HMCN1: variants seen among roughly 807,000 people sequenced by gnomAD.
HMCN1 encodes hemicentin-1.
HMCN1 carries 321 observed loss-of-function variants against 625.9 expected under a neutral mutation model. That is an observed-to-expected ratio of 0.51 (90% CI 0.47 to 0.56). The LOEUF (loss-of-function observed/expected upper bound fraction) is 0.56. Among genes scored for constraint, HMCN1 ranks in the 20% least tolerant of loss-of-function variants. The pLI is 0.00. For synonymous variants in HMCN1, 2,425 were observed against 2,417.6 expected (o/e 1.00, Z -0.09); for missense variants, 6,588 against 6,887.3 (o/e 0.96, Z 1.54).
intron 23 of HMCN1, among the ~76,000 whole-genome samples, chr1:185,993,864 A>T (rs1040775298): frequency 2.0e-5 from 3 of 152,228 alleles, no homozygotes; most frequent in Admixed American, 6.5e-5. Context: ...ATATTCAAAT[A>T]TCAGAAGAAA....
chr1:186,083,500 TAAAA>T (rs58407499), intron 57 of HMCN1, among the ~76,000 whole-genome samples: 4 of 123,648 alleles, frequency 3.2e-5, no homozygotes, highest in African/African-American at 9.4e-5. Context: ...CACTTTTTGC[TAAAA>T]AAAAAAAAAA....
At chr1:185,778,615 G>A (rs1473652566) in intron 1 of HMCN1, among the ~76,000 whole-genome samples, 1 of 151,480 alleles carries the variant, frequency 6.6e-6, no homozygotes, top group Non-Finnish European at 1.5e-5. Flanking sequence ...TCGTCCTTGA[G>A]ATAGTTTGCT....
intron 71 of HMCN1, among the ~76,000 whole-genome samples, 181 bp downstream of exon 71, chr1:186,108,778 T>G (rs952734239): frequency 3.9e-5 from 6 of 152,230 alleles, no homozygotes; most frequent in African/African-American, 1.4e-4. Flanking sequence ...TATTTGCCTT[T>G]GCTGGGGTAG....
chr1:186,137,909 G>A lies in HMCN1; in HGVS notation c.13861G>A (p.Gly4621Ser). The A allele has an allele frequency of 1.2e-6, 2 of 1,614,074 alleles. No homozygotes were observed. The highest frequency in any genetic ancestry group is 1.7e-6 in the Non-Finnish European group (2 of 1,179,978). The change falls in exon 89 of 107, where the codon GGT becomes AGT. Residue 4621 changes from glycine (G) to serine (S), a missense_variant. Gly to Ser is a moderately conservative substitution (Grantham distance 56). Around this residue, in one of 3 missense-constraint regions of HMCN1, gnomAD observed 1,954 missense variants for 2,013.1 expected, o/e 0.97. Coordinates refer to ENST00000271588, the MANE Select transcript of HMCN1 (RefSeq NM_031935.3). ...TTGCAATAATCCATCAGTTCAGCAT[G>A]GTGGGCGGCCATGTGAAGGGAATGC... ...RTCNNPSVQH[G>S]GRPCEGNAVE...
At chr1:185,959,840 T>C (rs1649883720) in intron 11 of HMCN1, among the ~76,000 whole-genome samples, 1 of 152,166 alleles carries the variant, frequency 6.6e-6, no homozygotes, top group South Asian at 2.1e-4. Context: ...ACTCAGTTTG[T>C]TAGTTGGCAA....
At chr1:185,787,246 A>G (rs1657681613) in intron 1 of HMCN1, among the ~76,000 whole-genome samples, 1 of 151,954 alleles carries the variant, frequency 6.6e-6, no homozygotes, top group Admixed American at 6.6e-5. Context: ...CTTCTGGGAT[A>G]CCCTCTGTAT....
chr1:186,144,464 C>G, intron 90 of HMCN1, 69 bp from the exon 91 acceptor site: 5 of 1,610,746 alleles, frequency 3.1e-6, no homozygotes, highest in Non-Finnish European at 4.2e-6. Context: ...CTCAAACTAA[C>G]AATGCCCAGA....
rs542590742 is a variant in HMCN1 at position 185,839,070 on chromosome 1, G to A, written c.269-6956G>A. Among the ~76,000 whole-genome samples the A allele has an allele frequency of 5.9e-5, 9 of 152,304 alleles. No homozygotes were observed. In the South Asian group the frequency reaches 1.9e-3, roughly 32 times the overall value. ...TTTGGTTGTTGTGGAAACAATCAAA[G>A]CTGAAGTTAGGTCTATTCTCCCAAC... On this transcript the variant is annotated intron_variant, in intron 1 of 106. Coordinates refer to ENST00000271588, the MANE Select transcript of HMCN1 (RefSeq NM_031935.3).
At chr1:186,021,382 T>A (rs1453983685) in intron 35 of HMCN1, among the ~76,000 whole-genome samples, 1 of 152,048 alleles carries the variant, frequency 6.6e-6, no homozygotes, top group East Asian at 1.9e-4. Context: ...CTAGTGGAGA[T>A]GTCAGTAGAT....
At chr1:186,037,128 A>T (rs1019799933) in intron 36 of HMCN1, among the ~76,000 whole-genome samples, 4 of 151,602 alleles carry the variant, frequency 2.6e-5, no homozygotes, top group African/African-American at 9.7e-5. Flanking sequence ...GCATTGAGTT[A>T]GTTAAATGTA....
At chr1:186,058,850 C>T (rs548237135) in intron 46 of HMCN1, among the ~76,000 whole-genome samples, 1 of 151,920 alleles carries the variant, frequency 6.6e-6, no homozygotes, top group Non-Finnish European at 1.5e-5. Context: ...CCTAAGTTCC[C>T]CCTGTTTCTT....
chr1:186,141,585 G>A (rs1649966674), intron 89 of HMCN1, among the ~76,000 whole-genome samples: 1 of 152,132 alleles, frequency 6.6e-6, no homozygotes, highest in South Asian at 2.1e-4. Context: ...TATAGCTACA[G>A]ATTAAAGAGT....
chr1:186,155,286 TCTCATAGCCAGTGACA>T (rs1650923474), intron 97 of HMCN1, among the ~76,000 whole-genome samples: 1 of 152,088 alleles, frequency 6.6e-6, no homozygotes, highest in African/African-American at 2.4e-5. Context: ...ATTCACGAAG[TCTCATAGCCAGTGACA>T]CCCATAGCCC....
At chr1:186,146,028 A>AG (rs1283850831) in intron 93 of HMCN1, 105 bp downstream of exon 93, 5 of 1,108,786 alleles carry the variant, frequency 4.5e-6, no homozygotes, top group Non-Finnish European at 5.2e-6. Flanking sequence ...AGGTGGAATT[A>AG]GAAAAAAAAA....
chr1:185,770,897 A>G (rs1321671), intron 1 of HMCN1, among the ~76,000 whole-genome samples: 13,858 of 152,134 alleles, frequency 0.091, 2,014 homozygotes, highest in African/African-American at 0.31. Context: ...GGACTGTCAT[A>G]TCACACCCAG....
chr1:185,741,297 G>A (rs1326843101), intron 1 of HMCN1, among the ~76,000 whole-genome samples: 1 of 152,112 alleles, frequency 6.6e-6, no homozygotes, highest in African/African-American at 2.4e-5. Context: ...AGCATAGCAT[G>A]GCCTTTCACT....
At chr1:186,115,193 A>G in intron 74 of HMCN1, 65 bp from the exon 75 acceptor site, 1 of 1,587,230 alleles carries the variant, frequency 6.3e-7, no homozygotes. Context: ...AGTTCAGCAG[A>G]AATATTTCAA....
intron 1 of HMCN1, among the ~76,000 whole-genome samples, chr1:185,763,018 C>T (rs1375731169): frequency 2.6e-5 from 4 of 152,060 alleles, no homozygotes; most frequent in African/African-American, 7.2e-5. Flanking sequence ...GGGTTAGGGG[C>T]GTGAGAAGAA....
chr1:185,862,333 A>AC (rs1662925699), intron 2 of HMCN1, among the ~76,000 whole-genome samples: 1 of 152,108 alleles, frequency 6.6e-6, no homozygotes, highest in South Asian at 2.1e-4. Context: ...TAATAAAATT[A>AC]GTGATAAGAA....
Sources: allele counts gnomAD v4.1 joint callset (sites outside exome capture counted in the v4.1 genomes callset), GRCh38; gene constraint gnomAD v4.1.1; regional missense constraint gnomAD v4.1.1; transcripts MANE v1.5; gene names NCBI Gene and HGNC (gene_info 2026-07-23, HGNC 2026-07-21).